Variants in ANO3 observed in about 807,000 individuals in gnomAD.
ANO3 encodes anoctamin-3.
A neutral mutation model predicts 144.8 loss-of-function variants in ANO3; 99 were observed. The observed-to-expected ratio is 0.68, with a 90% CI of 0.58 to 0.81. The LOEUF (loss-of-function observed/expected upper bound fraction) is 0.81. Among genes scored for constraint, ANO3 ranks in the 30% least tolerant of loss-of-function variants. The probability of loss-of-function intolerance (pLI) is 0.00; values close to 1 mark genes in which losing one functional copy is unlikely to be tolerated. For synonymous variants in ANO3, 414 were observed against 392.6 expected (o/e 1.05, Z -0.64); for missense variants, 905 against 1,202.2 (o/e 0.75, Z 3.66).
intron 1 of ANO3, among the ~76,000 whole-genome samples, chr11:26,407,673 T>C (rs1857324130): frequency 6.6e-6 from 1 of 151,780 alleles, no homozygotes; most frequent in Non-Finnish European, 1.5e-5. Flanking sequence ...TACCCTTAAA[T>C]ACGAATTAAA....
chr11:26,556,983 A>G (rs574417687), intron 13 of ANO3, among the ~76,000 whole-genome samples: 1 of 152,292 alleles, frequency 6.6e-6, no homozygotes, highest in Admixed American at 6.5e-5. Flanking sequence ...GAGAAAACAT[A>G]GACTTTCAGC....
chr11:26,383,974 T>C (rs1856656937), intron 1 of ANO3, among the ~76,000 whole-genome samples: 1 of 131,150 alleles, frequency 7.6e-6, no homozygotes, highest in African/African-American at 2.8e-5. Flanking sequence ...CTTGGCTCAC[T>C]GCAACCTCCG....
In ANO3 at chr11:26,646,959, A is replaced by G. The variant is rs538839158; in HGVS notation, c.2429-750A>G. Among the ~76,000 whole-genome samples the G allele has an allele frequency of 6.6e-5, 10 of 152,244 alleles. No individual in the cohort carries two copies. In the South Asian group the frequency reaches 2.1e-3, roughly 32 times the overall value. On this transcript the variant is annotated intron_variant, in intron 23 of 26. Coordinates refer to ENST00000256737, the MANE Select transcript of ANO3 (RefSeq NM_031418.4). ...ATTTTTAATTACAAATCAATGTAGT[A>G]CTTCATAAAAATTTTGAAATGCCAA...
intron 1 of ANO3, among the ~76,000 whole-genome samples, chr11:26,366,192 T>C (rs932269008): frequency 6.6e-6 from 1 of 151,888 alleles, no homozygotes; most frequent in African/African-American, 2.4e-5. Context: ...CCCCCTCCTA[T>C]GTCCAAGTGT....
At chr11:26,582,503 G>A (rs1851161655) in intron 14 of ANO3, among the ~76,000 whole-genome samples, 1 of 152,198 alleles carries the variant, frequency 6.6e-6, no homozygotes, top group Non-Finnish European at 1.5e-5. Context: ...AGGCTAGCCA[G>A]TAAGGAGATG....
In ANO3 at chr11:26,553,291, C is replaced by G; in HGVS notation, c.1332C>G (p.Leu444=). Residue 444 remains leucine (L), a synonymous_variant, in exon 13 of 27, where the codon CTC becomes CTG. Transcript: ENST00000256737. ...CCACTGAAGTCTTTATGTGCCCTCTCTGTGACAAGAACTGCTCCCTGCAGA... is the reference window on the plus strand; with the variant it reads ...CCACTGAAGTCTTTATGTGCCCTCTGTGTGACAAGAACTGCTCCCTGCAGA... ...CKATEVFMCP[L]CDKNCSLQRL... The G allele has an allele frequency of 6.2e-7, 1 of 1,602,092 alleles. No individual in the cohort carries two copies. Among genetic ancestry groups the G allele is most frequent in the Non-Finnish European group, 8.5e-7 (1 of 1,172,450 alleles).
intron 17 of ANO3, among the ~76,000 whole-genome samples, chr11:26,621,332 T>C (rs1422056070): frequency 6.6e-6 from 1 of 152,168 alleles, no homozygotes; most frequent in African/African-American, 2.4e-5. Flanking sequence ...CACTGTCTTA[T>C]TGCTGCCACT....
At chr11:26,197,716 T>C (rs1293941630) in intron 1 of ANO3, among the ~76,000 whole-genome samples, 1 of 152,060 alleles carries the variant, frequency 6.6e-6, no homozygotes, top group Non-Finnish European at 1.5e-5. Flanking sequence ...TCTTCCAGGG[T>C]TTACTTCATG....
chr11:26,581,349 A>G (rs1441919016), intron 14 of ANO3, among the ~76,000 whole-genome samples: 2 of 149,718 alleles, frequency 1.3e-5, no homozygotes, highest in Non-Finnish European at 3.0e-5. Flanking sequence ...ATGAACATAC[A>G]TAAGTTTAGG....
intron 17 of ANO3, among the ~76,000 whole-genome samples, chr11:26,622,430 G>GGA (rs368620531): frequency 7.5e-6 from 1 of 134,128 alleles, no homozygotes; most frequent in African/African-American, 2.8e-5. Context: ...AGCCATCTCT[G>GGA]AAAAAAAAAA....
chr11:26,543,470 TA>T (rs34272283), intron 11 of ANO3, among the ~76,000 whole-genome samples: 6 of 151,802 alleles, frequency 4.0e-5, no homozygotes, highest in African/African-American at 1.5e-4. Context: ...TCTTTTTTTT[TA>T]ATTATATTTT....
At chr11:26,264,490 G>C (rs1419369006) in intron 1 of ANO3, among the ~76,000 whole-genome samples, 2 of 152,138 alleles carry the variant, frequency 1.3e-5, no homozygotes. Flanking sequence ...GATGATGTGA[G>C]AATCTTTATT....
chr11:26,246,558 C>T (rs1184581525), intron 1 of ANO3, among the ~76,000 whole-genome samples: 1 of 147,720 alleles, frequency 6.8e-6, no homozygotes, highest in African/African-American at 2.6e-5. Context: ...ATGTCTTTTG[C>T]TTAATTTTCT....
chr11:26,315,545 T>C (rs905515417), intron 1 of ANO3, among the ~76,000 whole-genome samples: 3 of 152,188 alleles, frequency 2.0e-5, no homozygotes, highest in Non-Finnish European at 4.4e-5. Flanking sequence ...TTAGAAAGAA[T>C]TGACTGTTCA....
chr11:26,610,002 C>T (rs1469216049), intron 17 of ANO3, among the ~76,000 whole-genome samples: 1 of 152,216 alleles, frequency 6.6e-6, no homozygotes, highest in Non-Finnish European at 1.5e-5. Flanking sequence ...AACTTCACCT[C>T]CTGGGTTCAA....
chr11:26,465,742 C>T (rs1210500107), intron 4 of ANO3, among the ~76,000 whole-genome samples: 1 of 151,828 alleles, frequency 6.6e-6, no homozygotes, highest in Non-Finnish European at 1.5e-5. Context: ...GACTAATTTA[C>T]TAGGAGTTGT....
At chr11:26,272,033 A>G (rs557336904) in intron 1 of ANO3, among the ~76,000 whole-genome samples, 21 of 152,250 alleles carry the variant, frequency 1.4e-4, no homozygotes, top group Admixed American at 3.9e-4. Flanking sequence ...GGTGAGATCA[A>G]GTGTTTTGAG....
rs1243150924 is a variant in ANO3, at chr11:26,455,520, G to A, written c.314-7510G>A. The stretch of plus-strand genomic sequence containing the variant: ...CCTAGGAATCCACCTTACAAGGGAC[G>A]TGAAGTACATCTTCAAGGAGAACTA... On this transcript the variant is annotated intron_variant, in intron 3 of 26. Coordinates refer to ENST00000256737, the MANE Select transcript of ANO3 (RefSeq NM_031418.4). Among the ~76,000 whole-genome samples, 11 of 152,284 alleles carry A rather than the reference G, an allele frequency of 7.2e-5. No individual in the cohort carries two copies. The East Asian group carries it at 1.2e-3, about 16-fold the overall frequency.
intron 14 of ANO3, among the ~76,000 whole-genome samples, chr11:26,598,060 G>A (rs1321780201): frequency 6.6e-6 from 1 of 152,116 alleles, no homozygotes. Flanking sequence ...ATAAGCATAT[G>A]CAGGTCAAAA....
Sources: allele counts gnomAD v4.1 joint callset (sites outside exome capture counted in the v4.1 genomes callset), GRCh38; gene constraint gnomAD v4.1.1; transcripts MANE v1.5; gene names NCBI Gene and HGNC (gene_info 2026-07-23, HGNC 2026-07-21).